Variants in CTNND2 observed in about 807,000 individuals in gnomAD.
The protein encoded by CTNND2 is catenin delta 2.
Under a neutral mutation model 144.4 loss-of-function variants are expected in CTNND2, and 22 were observed. That is an observed-to-expected ratio of 0.15 (90% CI 0.11 to 0.22). The LOEUF is 0.22. Among genes scored for constraint, CTNND2 ranks in the 10% least tolerant of loss-of-function variants. The pLI is 1.00. For missense variants in CTNND2, 1,353 were observed against 1,618.8 expected, an observed-to-expected ratio of 0.84 and a Z score of 2.82; for synonymous variants, 751 against 695.6, an observed-to-expected ratio of 1.08 and a Z score of -1.25.
Position 11,434,749 on chromosome 5 carries a change from T to A in CTNND2, c.288-22680A>T, listed in dbSNP as rs544869396. Among the ~76,000 whole-genome samples the A allele has an allele frequency of 2.6e-5, 4 of 152,288 alleles. No homozygotes were observed. The East Asian group carries it at 5.8e-4, about 22-fold the overall frequency. The stretch of plus-strand genomic sequence containing the variant: ...GTCAGATTCTTTCAACTTTTCTGTA[T>A]GTTTTTTACATAATTAAATGTTAGA... On this transcript the variant is annotated intron_variant, in intron 3 of 21. Coordinates refer to ENST00000304623, the MANE Select transcript of CTNND2 (RefSeq NM_001332.4).
intron 9 of CTNND2, among the ~76,000 whole-genome samples, chr5:11,278,127 C>T (rs139104431): frequency 2.6e-5 from 4 of 152,234 alleles, no homozygotes; most frequent in African/African-American, 9.6e-5. Flanking sequence ...CTGTTCTCCT[C>T]GTCCCTCCCC....
At chr5:10,980,826 C>T (rs1004912510) in intron 21 of CTNND2, among the ~76,000 whole-genome samples, 1 of 152,046 alleles carries the variant, frequency 6.6e-6, no homozygotes, top group Non-Finnish European at 1.5e-5. Context: ...CATGTTCTCA[C>T]TCATAAGTGG....
intron 1 of CTNND2, among the ~76,000 whole-genome samples, chr5:11,843,624 T>TA (rs1394217030): frequency 3.3e-5 from 5 of 152,210 alleles, no homozygotes; most frequent in African/African-American, 1.2e-4. Flanking sequence ...ACTATGATAT[T>TA]TGAGATAATA....
chr5:11,887,474 C>T (rs1288968907), intron 1 of CTNND2, among the ~76,000 whole-genome samples: 1 of 151,380 alleles, frequency 6.6e-6, no homozygotes, highest in African/African-American at 2.4e-5. Flanking sequence ...AACATCGTTC[C>T]CTTTACAGAG....
intron 1 of CTNND2, among the ~76,000 whole-genome samples, chr5:11,865,469 C>T (rs1266039238): frequency 2.0e-5 from 3 of 152,162 alleles, no homozygotes; most frequent in Non-Finnish European, 4.4e-5. Context: ...AGGAGAATAA[C>T]TGTCAACCTC....
At chr5:11,794,639 C>T (rs1483131561) in intron 1 of CTNND2, among the ~76,000 whole-genome samples, 1 of 152,182 alleles carries the variant, frequency 6.6e-6, no homozygotes, top group Non-Finnish European at 1.5e-5. Flanking sequence ...GAGTTTTCAA[C>T]AGGACTGTAA....
Position 10,988,385 on chromosome 5 carries a change from A to G in CTNND2, c.3212-143T>C. ...CTGATGGGTTTTCTTTTTAATTTTT[A>G]TTTTTTGGCAGTTTTGGCTCTTGTC... On this transcript the variant is annotated intron_variant, in intron 19 of 21. Transcript: ENST00000304623. The surrounding 1 kb of genome is among the most constrained non-coding windows in gnomAD (Gnocchi z 5.9). 2 of 1,043,372 alleles carry G rather than the reference A, an allele frequency of 1.9e-6. No homozygotes were observed. Among genetic ancestry groups the G allele is most frequent in the South Asian group, 1.7e-5 (1 of 58,752 alleles). 64.6% of individuals were successfully genotyped at this position (1,043,372 alleles called of 1,614,324 possible). A position where few individuals can be genotyped will look rare whatever the true frequency, so the allele number is the denominator to read the frequency against.
At chr5:11,381,783 C>T (rs981877021) in intron 7 of CTNND2, among the ~76,000 whole-genome samples, 49 of 152,026 alleles carry the variant, frequency 3.2e-4, no homozygotes, top group Non-Finnish European at 5.0e-4. Flanking sequence ...CTGGCTAACA[C>T]GGTGAAACCC....
At position 10,972,599 on chromosome 5, in the gene CTNND2, A is replaced by C. The variant is rs61752751; in HGVS notation, c.*854T>G. The C allele has an allele frequency of 3.2e-4, 49 of 152,784 alleles. No homozygotes were observed. The highest frequency in any genetic ancestry group is 1.1e-3 in the African/African-American group (44 of 41,588). The allele number at this position is 152,784 out of a possible 1,614,324, so 9.5% of individuals were successfully genotyped here. A position where few individuals can be genotyped will look rare whatever the true frequency, so the allele number is the denominator to read the frequency against. ...CATAAAGAAAACTGGTATAAATGAA[A>C]AAATCTATTTCAAATATCTACATCT... On this transcript the variant is annotated 3_prime_UTR_variant, in exon 22 of 22. Coordinates refer to ENST00000304623, the MANE Select transcript of CTNND2 (RefSeq NM_001332.4).
intron 9 of CTNND2, among the ~76,000 whole-genome samples, chr5:11,300,340 A>G (rs1000704496): frequency 6.6e-6 from 1 of 152,170 alleles, no homozygotes; most frequent in Non-Finnish European, 1.5e-5. Flanking sequence ...TGGAAGGTCC[A>G]AGCAAAGGAA....
chr5:11,226,651 A>G (rs950699100), intron 10 of CTNND2, among the ~76,000 whole-genome samples: 1 of 152,228 alleles, frequency 6.6e-6, no homozygotes, highest in Non-Finnish European at 1.5e-5. Flanking sequence ...CTTATTTACT[A>G]TCACAAGAAC....
At chr5:11,687,610 T>C (rs1444932522) in intron 2 of CTNND2, among the ~76,000 whole-genome samples, 1 of 152,208 alleles carries the variant, frequency 6.6e-6, no homozygotes. Context: ...AAATCATTCC[T>C]GCAGAGTTTT....
chr5:11,509,889 A>G (rs1321477392), intron 3 of CTNND2, among the ~76,000 whole-genome samples: 1 of 152,078 alleles, frequency 6.6e-6, no homozygotes, highest in Non-Finnish European at 1.5e-5. Context: ...TTTTAGGAAC[A>G]GAATCAAAGC....
At chr5:11,632,710 C>A (rs1415486366) in intron 2 of CTNND2, among the ~76,000 whole-genome samples, 1 of 151,944 alleles carries the variant, frequency 6.6e-6, no homozygotes, top group Non-Finnish European at 1.5e-5. Flanking sequence ...AAATATGTTC[C>A]AAGAACTAAA....
At chr5:11,631,196 C>T (rs1781395943) in intron 2 of CTNND2, among the ~76,000 whole-genome samples, 1 of 152,096 alleles carries the variant, frequency 6.6e-6, no homozygotes, top group African/African-American at 2.4e-5. Flanking sequence ...TTTTATAAGA[C>T]TACTTTTCAC....
At chr5:11,878,145 C>G (rs1735697579) in intron 1 of CTNND2, among the ~76,000 whole-genome samples, 1 of 152,088 alleles carries the variant, frequency 6.6e-6, no homozygotes, top group South Asian at 2.1e-4. Context: ...ATCAGAAACA[C>G]TCAAAAATGT....
intron 3 of CTNND2, among the ~76,000 whole-genome samples, chr5:11,435,188 G>T (rs1763656643): frequency 6.6e-6 from 1 of 151,290 alleles, no homozygotes; most frequent in East Asian, 1.9e-4. Flanking sequence ...ACCCAGGATG[G>T]AGTACAGTGG....
chr5:11,176,639 C>A (rs1760507449), intron 11 of CTNND2, among the ~76,000 whole-genome samples: 1 of 152,062 alleles, frequency 6.6e-6, no homozygotes, highest in Admixed American at 6.6e-5. Context: ...TTCTCCAAAC[C>A]ACCTTACTCT....
intron 10 of CTNND2, among the ~76,000 whole-genome samples, chr5:11,233,961 C>T (rs1561063694): frequency 6.6e-6 from 1 of 152,104 alleles, no homozygotes; most frequent in African/African-American, 2.4e-5. Context: ...ATCCCAGCCT[C>T]CCAGGTCCCC....
Sources: allele counts gnomAD v4.1 joint callset (sites outside exome capture counted in the v4.1 genomes callset), GRCh38; gene constraint gnomAD v4.1.1; non-coding constraint Gnocchi (gnomAD v3.1); transcripts MANE v1.5; gene names NCBI Gene and HGNC (gene_info 2026-07-23, HGNC 2026-07-21).